The following DCBLD1 variants were observed in gnomAD, a reference collection of about 807,000 sequenced individuals.
DCBLD1 encodes the protein discoidin, CUB and LCCL domain containing 1, also known as discoidin, CUB and LCCL domain-containing protein 1.
DCBLD1 carries 57 observed loss-of-function variants against 71.5 expected under a neutral mutation model. That is an observed-to-expected ratio of 0.80 (90% CI 0.64 to 0.99). The LOEUF (loss-of-function observed/expected upper bound fraction) is 0.99. DCBLD1 is among the 50% of genes least tolerant of loss of function. DCBLD1 has a pLI of 0.00. For missense variants in DCBLD1, 891 were observed against 923.5 expected (o/e 0.96, Z 0.46); for synonymous variants, 380 against 363.8 (o/e 1.04, Z -0.51).
intron 14 of DCBLD1, chr6:117,563,532 G>A (rs1779630494): frequency 4.4e-6 from 3 of 674,582 alleles, no homozygotes; most frequent in African/African-American, 1.8e-5. Flanking sequence ...GACCAGCCTG[G>A]ACAATGTGGT....
chr6:117,505,389 G>A (rs1014527864), intron 2 of DCBLD1, among the ~76,000 whole-genome samples: 5 of 152,182 alleles, frequency 3.3e-5, no homozygotes. Flanking sequence ...CAGAGCTGCA[G>A]TGTGAAAAGT....
chr6:117,567,024 A>G (rs1419112123), intron 14 of DCBLD1: 1 of 1,583,002 alleles, frequency 6.3e-7, no homozygotes, highest in Admixed American at 1.9e-5. Flanking sequence ...TTCAAATTCA[A>G]TCTCTCCTCT....
downstream of DCBLD1, among the ~76,000 whole-genome samples, chr6:117,550,325 C>A (rs565860289): frequency 3.3e-5 from 5 of 152,200 alleles, no homozygotes; most frequent in African/African-American, 9.6e-5. Context: ...GTCTGATAAA[C>A]CCTACACAGC....
intron 2 of DCBLD1, among the ~76,000 whole-genome samples, chr6:117,517,405 C>G (rs1176362661): frequency 6.6e-6 from 1 of 152,238 alleles, no homozygotes. Flanking sequence ...CTCCCCACTG[C>G]TTCCACAGGC....
At chr6:117,546,881 G>A (rs1779282280) in intron 14 of DCBLD1, among the ~76,000 whole-genome samples, 2 of 152,046 alleles carry the variant, frequency 1.3e-5, no homozygotes, top group African/African-American at 2.4e-5. Context: ...AACCACAATC[G>A]AATCCATTGT....
intron 11 of DCBLD1, among the ~76,000 whole-genome samples, chr6:117,541,374 AC>A (rs1779091324): frequency 2.0e-5 from 3 of 152,190 alleles, no homozygotes; most frequent in Non-Finnish European, 2.9e-5. Context: ...TATAGTGGCA[AC>A]TTAAAAAAAA....
intron 2 of DCBLD1, among the ~76,000 whole-genome samples, chr6:117,518,243 A>G (rs1484736177): frequency 6.6e-6 from 1 of 152,242 alleles, no homozygotes; most frequent in African/African-American, 2.4e-5. Context: ...TTGCTCAAAC[A>G]TAACAAGAGT....
At chr6:117,537,080 G>A in intron 6 of DCBLD1, 105 bp from the exon 7 acceptor site, 2 of 1,081,950 alleles carry the variant, frequency 1.8e-6, no homozygotes, top group Non-Finnish European at 2.8e-6. Context: ...GATCATGTAA[G>A]GAAGCACAGG....
Position 117,525,396 on chromosome 6 carries a change from G to A in DCBLD1, c.547G>A (p.Gly183Arg). 6.6e-7 allele frequency: 1 copy of A among 1,520,228 alleles called. No individual in the cohort carries two copies. The highest frequency in any genetic ancestry group is 8.8e-7 in the Non-Finnish European group (1 of 1,134,032). The allele number at this position is 1,520,228 out of a possible 1,614,324, so 94.2% of individuals were successfully genotyped here. A position where few individuals can be genotyped will look rare whatever the true frequency, so the allele number is the denominator to read the frequency against. ...FCPAGCRDVAGDISGNMVDGY... is the reference protein window; with the variant it reads ...FCPAGCRDVARDISGNMVDGY... The stretch of plus-strand genomic sequence containing the variant: ...CCCAGCTGGTTGTAGAGACGTAGCA[G>A]GAGACATTTCTGGGAATATGGTAGA... Residue 183 changes from glycine to arginine, a missense_variant, in exon 5 of 15, where the codon GGA becomes AGA. Gly to Arg is a moderately radical substitution (Grantham distance 125). Transcript: ENST00000338728.
At chr6:117,485,252 A>G (rs1777046942) in intron 1 of DCBLD1, among the ~76,000 whole-genome samples, 1 of 152,242 alleles carries the variant, frequency 6.6e-6, no homozygotes. Flanking sequence ...TCTCCACCAC[A>G]AGATTTGCAA....
intron 1 of DCBLD1, among the ~76,000 whole-genome samples, chr6:117,496,219 C>A (rs1477457790): frequency 6.6e-6 from 1 of 151,762 alleles, no homozygotes; most frequent in Non-Finnish European, 1.5e-5. Flanking sequence ...TCATGTGTTT[C>A]TAGTCGATAG....
intron 4 of DCBLD1, among the ~76,000 whole-genome samples, chr6:117,523,019 A>T (rs13202797): frequency 6.6e-6 from 1 of 152,222 alleles, no homozygotes. Flanking sequence ...AATAGGGGGA[A>T]AAATGAAAAT....
In DCBLD1 at chr6:117,545,542, T is replaced by C; in HGVS notation, c.1560T>C (p.Tyr520=). ...AGTCAGCTGAGTTTACCATCAGCTA[T>C]GATAATGAGAAGGAGATGACACAAA... The part of the protein sequence containing the change: ...RHQSAEFTIS[Y]DNEKEMTQKL... The change falls in exon 14 of 15, where the codon TAT becomes TAC. Residue 520 remains tyrosine, a synonymous_variant. Coordinates refer to ENST00000338728, the MANE Select transcript of DCBLD1 (RefSeq NM_001366458.2). The C allele has an allele frequency of 1.2e-6, 2 of 1,614,210 alleles. No homozygotes were observed. The highest frequency in any genetic ancestry group is 1.7e-6 in the Non-Finnish European group (2 of 1,180,032).
At chr6:117,546,567 G>T (rs1362329471) in intron 14 of DCBLD1, among the ~76,000 whole-genome samples, 1 of 152,200 alleles carries the variant, frequency 6.6e-6, no homozygotes, top group Non-Finnish European at 1.5e-5. Flanking sequence ...CATGAAGGGA[G>T]AACCTAATTT....
chr6:117,525,491 T>C (rs1778519589), intron 5 of DCBLD1, 57 bp downstream of exon 5: 1 of 1,267,282 alleles, frequency 7.9e-7, no homozygotes, highest in South Asian at 2.2e-5. Context: ...TGCTTTACTC[T>C]GCCTAAATTA....
chr6:117,506,681 A>G (rs1777854111), intron 2 of DCBLD1, among the ~76,000 whole-genome samples: 1 of 152,218 alleles, frequency 6.6e-6, no homozygotes, highest in Admixed American at 6.5e-5. Flanking sequence ...ATTCCTGTGC[A>G]GCTGTTGCCC....
intron 1 of DCBLD1, among the ~76,000 whole-genome samples, chr6:117,495,746 G>A (rs560198283): frequency 2.6e-5 from 4 of 152,332 alleles, no homozygotes; most frequent in African/African-American, 9.6e-5. Flanking sequence ...AGACTGGAGA[G>A]TGACCAAAAA....
chr6:117,569,503 A>C, intron 14 of DCBLD1: 21 of 1,529,726 alleles, frequency 1.4e-5, no homozygotes, highest in East Asian at 2.4e-5. Context: ...TTCGTAGGGA[A>C]GTATACAGTG....
intron 2 of DCBLD1, among the ~76,000 whole-genome samples, chr6:117,509,656 C>T (rs1777952218): frequency 6.6e-6 from 1 of 151,978 alleles, no homozygotes; most frequent in Non-Finnish European, 1.5e-5. Context: ...GTTGTCTTGC[C>T]TACTGTTAAT....
Sources: gnomAD v4.1 joint callset for allele counts (sites outside exome capture counted in the v4.1 genomes callset) on GRCh38, gnomAD v4.1.1 for gene constraint, MANE v1.5 for transcripts, NCBI Gene and HGNC (gene_info 2026-07-23, HGNC 2026-07-21) for gene names.